The following LRRIQ1 variants were observed in gnomAD, a reference collection of about 807,000 sequenced individuals.
LRRIQ1 encodes the protein leucine rich repeats and IQ motif containing 1, also known as leucine-rich repeat- and IQ domain-containing protein 1.
In LRRIQ1, 210 loss-of-function variants were observed where a neutral mutation model predicts 211.9. That is an observed-to-expected ratio of 0.99 (90% CI 0.89 to 1.11). LRRIQ1 has a LOEUF of 1.11. Among genes scored for constraint, LRRIQ1 ranks in the 50% most tolerant of loss-of-function variants. LRRIQ1 has a pLI of 0.00. For missense variants in LRRIQ1, 2,136 were observed against 1,939.5 expected, an observed-to-expected ratio of 1.10 and a Z score of -1.90; for synonymous variants, 699 against 650.1, an observed-to-expected ratio of 1.08 and a Z score of -1.14.
In LRRIQ1 at chr12:85,057,036, C is replaced by T; in HGVS notation, c.2243C>T (p.Ser748Leu). The change falls in exon 8 of 27, where the codon TCA becomes TTA. Residue 748 changes from serine (S) to leucine (L), a missense_variant. Transcript: ENST00000393217. ...IEERRLAWIK[S>L]FKPWLEIFKQ... is the part of the protein sequence containing the mutation. ...GAAAGGAGACTAGCCTGGATAAAATCATTTAAACCTTGGCTTGAAATTTTC... is the reference window on the plus strand; with the variant it reads ...GAAAGGAGACTAGCCTGGATAAAATTATTTAAACCTTGGCTTGAAATTTTC... 1.2e-6 allele frequency: 2 copies of T among 1,608,224 alleles called. No homozygotes were observed. Among genetic ancestry groups the T allele is most frequent in the Admixed American group, 3.4e-5 (2 of 58,740 alleles).
chr12:85,236,829 G>GTATATATATATATA (rs1565921248), intron 26 of LRRIQ1, among the ~76,000 whole-genome samples: 4 of 60,460 alleles, frequency 6.6e-5, no homozygotes, highest in African/African-American at 4.9e-4. Context: ...GTGTATGTGT[G>GTATATATATATATA]CATATATATA....
intron 10 of LRRIQ1, among the ~76,000 whole-genome samples, chr12:85,068,333 G>A (rs561484946): frequency 6.0e-4 from 91 of 151,872 alleles, no homozygotes; most frequent in African/African-American, 2.1e-3. Flanking sequence ...TAATTTCTGT[G>A]TCTAGTCCTG....
At chr12:85,079,926 C>A (rs1383144682) in intron 11 of LRRIQ1, among the ~76,000 whole-genome samples, 1 of 151,962 alleles carries the variant, frequency 6.6e-6, no homozygotes, top group Non-Finnish European at 1.5e-5. Context: ...ATAGTATAAA[C>A]TTTCCATTGC....
chr12:85,078,213 A>G (rs77139188), intron 11 of LRRIQ1, among the ~76,000 whole-genome samples: 3,133 of 152,262 alleles, frequency 0.021, 140 homozygotes, highest in East Asian at 0.2. Flanking sequence ...ACAAATTTAT[A>G]GTTTTAAACT....
chr12:85,138,211 C>CA (rs1889274056), intron 19 of LRRIQ1, among the ~76,000 whole-genome samples: 1 of 151,444 alleles, frequency 6.6e-6, no homozygotes, highest in Non-Finnish European at 1.5e-5. Flanking sequence ...CTCCAGTTAT[C>CA]AAAATTAGGG....
downstream of LRRIQ1, among the ~76,000 whole-genome samples, chr12:85,267,751 A>C (rs1351234831): frequency 6.6e-6 from 1 of 152,074 alleles, no homozygotes; most frequent in Admixed American, 6.6e-5. Flanking sequence ...AGAAATAAGC[A>C]CAACAATTTT....
chr12:85,206,378 T>G (rs1893544882), intron 24 of LRRIQ1, among the ~76,000 whole-genome samples: 1 of 152,000 alleles, frequency 6.6e-6, no homozygotes, highest in Non-Finnish European at 1.5e-5. Flanking sequence ...CCAGTGACAG[T>G]GAGAGTGCAG....
chr12:85,102,953 A>ATATATAT lies in LRRIQ1; in HGVS notation c.3210-1051_3210-1050insTATATAT, dbSNP rs1555207709. On this transcript the variant is annotated intron_variant, in intron 13 of 26. Coordinates refer to ENST00000393217, the MANE Select transcript of LRRIQ1 (RefSeq NM_001079910.2). ...GCTTTTCTAATTGTGGCAAAAAAAA[A>ATATATAT]AAAAAAATATATATATATATATATA... Among the ~76,000 whole-genome samples, 310 of 118,588 alleles carry ATATATAT rather than the reference A, an allele frequency of 2.6e-3. 1 individual carries two copies. Among genetic ancestry groups the ATATATAT allele is most frequent in the African/African-American group, 0.011 (298 of 28,264 alleles). 77.8% of individuals were successfully genotyped at this position (118,588 alleles called of 152,430 possible).
intron 24 of LRRIQ1, among the ~76,000 whole-genome samples, chr12:85,192,681 AT>A (rs1266875272): frequency 1.6e-5 from 1 of 63,190 alleles, no homozygotes; most frequent in East Asian, 4.0e-4. Flanking sequence ...ATATACTATA[AT>A]TATATATAAA....
chr12:85,121,516 C>T (rs548143151), intron 15 of LRRIQ1, among the ~76,000 whole-genome samples, 181 bp from the exon 16 acceptor site: 1 of 152,182 alleles, frequency 6.6e-6, no homozygotes, highest in East Asian at 1.9e-4. Context: ...TGATGCCATG[C>T]TTTTTAAAGA....
At chr12:85,044,836 T>C (rs1362614246) in intron 4 of LRRIQ1, 27 bp downstream of exon 4, 2 of 1,047,564 alleles carry the variant, frequency 1.9e-6, no homozygotes, top group Non-Finnish European at 2.8e-6. Flanking sequence ...TGACTTAAAA[T>C]ATTCACTATT....
At chr12:85,270,947 A>G in the LRRIQ1 span, among the ~76,000 whole-genome samples, 1 of 152,184 alleles carries the variant, frequency 6.6e-6, no homozygotes, top group Non-Finnish European at 1.5e-5. Context: ...AAATTATGAT[A>G]CAAGTGTGTA....
chr12:85,156,665 G>C (rs886177368), intron 23 of LRRIQ1, among the ~76,000 whole-genome samples: 15 of 151,718 alleles, frequency 9.9e-5, no homozygotes, highest in African/African-American at 3.4e-4. Context: ...ATCTAAATTT[G>C]GTTAAACACT....
At chr12:85,170,365 T>A (rs939557417) in intron 24 of LRRIQ1, among the ~76,000 whole-genome samples, 1 of 151,266 alleles carries the variant, frequency 6.6e-6, no homozygotes, top group African/African-American at 2.4e-5. Context: ...GAAGATATTT[T>A]CTTAGTACAA....
chr12:85,080,098 T>C (rs1884115414), intron 11 of LRRIQ1, among the ~76,000 whole-genome samples: 1 of 152,128 alleles, frequency 6.6e-6, no homozygotes, highest in Non-Finnish European at 1.5e-5. Flanking sequence ...TACATATACG[T>C]ACGTGTGTGT....
At chr12:85,260,989 A>T (rs888413146) in intron 1 of LRRIQ1, among the ~76,000 whole-genome samples, 1 of 152,204 alleles carries the variant, frequency 6.6e-6, no homozygotes, top group African/African-American at 2.4e-5. Context: ...TGACTGATTC[A>T]TAGAGAGTAG....
chr12:85,046,143 C>G lies in LRRIQ1; in HGVS notation c.454+6C>G, dbSNP rs369716749. 21 of 1,491,768 alleles carry G rather than the reference C, an allele frequency of 1.4e-5. No individual in the cohort carries two copies. Among genetic ancestry groups the G allele is most frequent in the Admixed American group, 1.8e-5 (1 of 56,074 alleles). The allele number at this position is 1,491,768 out of a possible 1,614,324, so 92.4% of individuals were successfully genotyped here. On this transcript the variant is annotated splice_donor_region_variant and intron_variant, in intron 5 of 26. Coordinates refer to ENST00000393217, the MANE Select transcript of LRRIQ1 (RefSeq NM_001079910.2). ...GGATGAACATGTTTTACCAGGTGGA[C>G]TAAATTGCTCAATGATATGTTTGTT... is the stretch of plus-strand genomic sequence containing the variant.
intron 8 of LRRIQ1, among the ~76,000 whole-genome samples, chr12:85,062,653 G>A (rs987814328): frequency 6.6e-6 from 1 of 151,092 alleles, no homozygotes; most frequent in Non-Finnish European, 1.5e-5. Flanking sequence ...ATGGTGCTGC[G>A]ATGAACATAC....
At chr12:85,205,549 C>T (rs1267454444) in intron 24 of LRRIQ1, among the ~76,000 whole-genome samples, 1 of 152,046 alleles carries the variant, frequency 6.6e-6, no homozygotes, top group Non-Finnish European at 1.5e-5. Flanking sequence ...TCATTTTAAC[C>T]TTGGAGAATC....
Sources: allele counts gnomAD v4.1 joint callset (sites outside exome capture counted in the v4.1 genomes callset), GRCh38; gene constraint gnomAD v4.1.1; transcripts MANE v1.5; gene names NCBI Gene and HGNC (gene_info 2026-07-23, HGNC 2026-07-21).